The following EFHC2 variants were observed in gnomAD, a reference collection of about 807,000 sequenced individuals.
EFHC2 encodes EF-hand domain containing 2.
In EFHC2, 18 loss-of-function variants were observed where a neutral mutation model predicts 52.7. The ratio of observed to expected loss-of-function variants is 0.34; its 90% confidence interval spans 0.24 to 0.51. The LOEUF is 0.51. Ranked by LOEUF, EFHC2 falls within the 20% of genes least tolerant of loss-of-function variation. The pLI is 0.97. For synonymous variants in EFHC2, 203 were observed against 204.1 expected (o/e 0.99, Z 0.04); for missense variants, 513 against 562.5 (o/e 0.91, Z 0.89).
chrX:44,234,865 C>T (rs1012678742), intron 9 of EFHC2, among the ~76,000 whole-genome samples: 2 of 111,663 alleles, frequency 1.8e-5, no homozygotes, highest in African/African-American at 6.5e-5. Context: ...TGGACCCTGA[C>T]GATTGAATTT....
At chrX:44,155,298 G>A (rs1178569139) in intron 14 of EFHC2, among the ~76,000 whole-genome samples, 2 of 111,893 alleles carry the variant, frequency 1.8e-5, no homozygotes, top group Non-Finnish European at 3.8e-5. Flanking sequence ...GTGAAAAAAT[G>A]TAGCTGCCGA....
chrX:44,311,998 A>C (rs1435195820), intron 2 of EFHC2, among the ~76,000 whole-genome samples: 2 of 112,465 alleles, frequency 1.8e-5, no homozygotes, highest in Admixed American at 1.9e-4. Context: ...AGCATTAGCC[A>C]AGAAAGATAA....
chrX:44,186,490 C>A (rs1481027915), intron 11 of EFHC2, among the ~76,000 whole-genome samples: 1 of 111,747 alleles, frequency 8.9e-6, no homozygotes, highest in Non-Finnish European at 1.9e-5. Context: ...ACTGCCTTTG[C>A]ATTAACACCC....
At chrX:44,197,672 G>A (rs2036975807) in intron 11 of EFHC2, among the ~76,000 whole-genome samples, 1 of 111,945 alleles carries the variant, frequency 8.9e-6, no homozygotes, top group Non-Finnish European at 1.9e-5. Context: ...CACAATATAT[G>A]TTTATTGAAT....
At chrX:44,159,798 T>C (rs765659231) in intron 14 of EFHC2, among the ~76,000 whole-genome samples, 3 of 112,858 alleles carry the variant, frequency 2.7e-5, no homozygotes, top group East Asian at 5.6e-4. Context: ...CATTAAAGAA[T>C]AGAATCTCCC....
At chrX:44,248,972 C>CTA (rs2037421670) in intron 5 of EFHC2, 56 bp from the exon 6 acceptor site, 24 of 865,642 alleles carry the variant, frequency 2.8e-5, no homozygotes, top group Non-Finnish European at 3.2e-5. Context: ...CCCTTTCTTA[C>CTA]TATAACCCCA....
At chrX:44,178,706 T>C in intron 11 of EFHC2, 142 bp from the exon 12 acceptor site, 1 of 452,189 alleles carries the variant, frequency 2.2e-6, no homozygotes, top group Non-Finnish European at 3.4e-6. Flanking sequence ...TTTAACTTAA[T>C]TTCTCTTCTT....
At chrX:44,202,283 G>A (rs1457407800) in intron 11 of EFHC2, among the ~76,000 whole-genome samples, 2 of 111,213 alleles carry the variant, frequency 1.8e-5, no homozygotes, top group African/African-American at 6.5e-5. Context: ...CGTGGTGGTG[G>A]GCACCTGTAA....
intron 13 of EFHC2, among the ~76,000 whole-genome samples, chrX:44,170,131 A>G (rs748462155): frequency 9.0e-6 from 1 of 111,602 alleles, no homozygotes; most frequent in Non-Finnish European, 1.9e-5. Flanking sequence ...TAAGGAGTGT[A>G]AAAAGCAGAT....
At chrX:44,310,903 T>C (rs188965048) in intron 2 of EFHC2, among the ~76,000 whole-genome samples, 1 of 112,325 alleles carries the variant, frequency 8.9e-6, no homozygotes, top group Non-Finnish European at 1.9e-5. Context: ...TATTAAATAT[T>C]GAGAAAAACA....
intron 11 of EFHC2, among the ~76,000 whole-genome samples, chrX:44,224,341 T>A (rs1386288851): frequency 8.9e-6 from 1 of 111,779 alleles, no homozygotes; most frequent in Non-Finnish European, 1.9e-5. Flanking sequence ...AATATCAGTA[T>A]CAAATGTATT....
chrX:44,309,072 A>T (rs779900609), intron 2 of EFHC2, among the ~76,000 whole-genome samples: 4 of 112,828 alleles, frequency 3.5e-5, no homozygotes, highest in Non-Finnish European at 7.5e-5. Context: ...CCCTCACTTT[A>T]AAGCCAAGAC....
At position 44,308,768 on chromosome X, in the gene EFHC2, TACATGCTTAGTCTACACAAGTTTA is replaced by T. The variant is rs1318593486; in HGVS notation, c.231+3776_231+3799del. On this transcript the variant is annotated intron_variant, in intron 2 of 14. Transcript: ENST00000420999. The stretch of plus-strand genomic sequence containing the variant: ...ATTCACTAAAATAAAACTTAGAAAT[TACATGCTTAGTCTACACAAGTTTA>T]ACTTACTTTAGTCACTTAGTGAATT... 2.7e-5 allele frequency among the ~76,000 whole-genome samples: 3 copies of T among 112,704 alleles called. No individual in the cohort carries two copies. The Admixed American group carries it at 2.8e-4, about 11-fold the overall frequency.
intron 4 of EFHC2, among the ~76,000 whole-genome samples, chrX:44,254,554 G>A (rs941369123): frequency 5.4e-5 from 6 of 111,677 alleles, no homozygotes; most frequent in Admixed American, 1.9e-4. Context: ...GAAATAAAGC[G>A]TGAAGACAAG....
chrX:44,242,568 C>T (rs761275409), intron 7 of EFHC2, among the ~76,000 whole-genome samples: 14 of 110,510 alleles, frequency 1.3e-4, no homozygotes, highest in African/African-American at 4.6e-4. Context: ...ATCACATTCC[C>T]ATTTCTGAAT....
At chrX:44,266,581 C>T (rs1189242809) in intron 3 of EFHC2, among the ~76,000 whole-genome samples, 1 of 110,584 alleles carries the variant, frequency 9.0e-6, no homozygotes, top group Admixed American at 9.7e-5. Context: ...GTTATCAGCC[C>T]GCCTCTGCCT....
At position 44,262,531 on chromosome X, in the gene EFHC2, A is replaced by AAAAAGAAAAG. The variant is rs1556015629; in HGVS notation, c.383-1243_383-1234dup. 9.1e-3 allele frequency among the ~76,000 whole-genome samples: 848 copies of AAAAAGAAAAG among 93,226 alleles called. 12 individuals are homozygous for AAAAAGAAAAG. Among genetic ancestry groups the AAAAAGAAAAG allele is most frequent in the African/African-American group, 0.019 (427 of 22,616 alleles). The allele number at this position is 93,226 out of a possible 115,157, so 81.0% of individuals were successfully genotyped here. A position where few individuals can be genotyped will look rare whatever the true frequency, so the allele number is the denominator to read the frequency against. ...CTGTCTCAAAAAAAAAAAAAAAAAA[A>AAAAAGAAAAG]AAAAGAAAAGAAAAGAAAAAGAAAA... On this transcript the variant is annotated intron_variant, in intron 3 of 14. Coordinates refer to ENST00000420999, the MANE Select transcript of EFHC2 (RefSeq NM_025184.4).
Position 44,248,327 on chromosome X carries a change from G to C in EFHC2, c.1056C>G (p.Leu352=). ...VTINVWGRKV[L]LYDCDEFTKS... ...TCGTAAATTCATCACAGTCATAAAG[G>C]AGCACTTTTCTTCCCCACACATTGA... Residue 352 remains leucine (L), a synonymous_variant, in exon 7 of 15, where the codon CTC becomes CTG. Coordinates refer to ENST00000420999, the MANE Select transcript of EFHC2 (RefSeq NM_025184.4). 1 of 1,168,284 alleles carries C rather than the reference G, an allele frequency of 8.6e-7. No individual in the cohort carries two copies. Among genetic ancestry groups the C allele is most frequent in the African/African-American group, 1.8e-5 (1 of 56,203 alleles).
At chrX:44,341,627 T>C (rs2038152278) in intron 1 of EFHC2, among the ~76,000 whole-genome samples, 1 of 111,821 alleles carries the variant, frequency 8.9e-6, no homozygotes, top group South Asian at 3.8e-4. Context: ...TTTTTCAATC[T>C]TTTGTAGAGA....
Sources: gnomAD v4.1 joint callset for allele counts (sites outside exome capture counted in the v4.1 genomes callset) on GRCh38, gnomAD v4.1.1 for gene constraint, MANE v1.5 for transcripts, NCBI Gene and HGNC (gene_info 2026-07-23, HGNC 2026-07-21) for gene names.